Variants in SEC14L1 observed in about 807,000 individuals in gnomAD.
SEC14L1 encodes SEC14 like lipid binding 1.
In SEC14L1, 48 loss-of-function variants were observed where a neutral mutation model predicts 85.3. The observed-to-expected ratio is 0.56, with a 90% CI of 0.45 to 0.72. The LOEUF (loss-of-function observed/expected upper bound fraction) is 0.72, where lower values mean the gene tolerates loss of function less well. Ranked by LOEUF, SEC14L1 falls within the 30% of genes least tolerant of loss-of-function variation. The pLI, the probability that SEC14L1 is intolerant of heterozygous loss-of-function variation, is 0.00. For synonymous variants in SEC14L1, 391 were observed against 355.5 expected (o/e 1.10, Z -1.12); for missense variants, 682 against 921.4 (o/e 0.74, Z 3.36).
At chr17:77,158,798 C>CT (rs34186028) in intron 3 of SEC14L1, among the ~76,000 whole-genome samples, 465 of 39,230 alleles carry the variant, frequency 0.012, 131 homozygotes, top group East Asian at 0.015. Flanking sequence ...GCTTTCTTTC[C>CT]TTTTTTTTTT....
At chr17:77,110,904 T>G (rs1041357666) in intron 3 of SEC14L1, among the ~76,000 whole-genome samples, 49 of 112,068 alleles carry the variant, frequency 4.4e-4, no homozygotes, top group South Asian at 1.7e-3. Flanking sequence ...AAAAAAGAAA[T>G]ACATTGGGGC....
chr17:77,160,859 A>T (rs1399659032), intron 3 of SEC14L1, among the ~76,000 whole-genome samples: 1 of 152,236 alleles, frequency 6.6e-6, no homozygotes, highest in East Asian at 1.9e-4. Flanking sequence ...AATGGCTGAA[A>T]GTAAATACAA....
At position 77,216,807 on chromosome 17, in the gene SEC14L1, A is replaced by C. The variant is rs1977123511; in HGVS notation, c.*2784A>C. 1.6e-6 allele frequency: 1 copy of C among 612,902 alleles called. No individual in the cohort carries two copies. Among genetic ancestry groups the C allele is most frequent in the Admixed American group, 3.5e-5 (1 of 28,564 alleles). The allele number at this position is 612,902 out of a possible 1,614,324, so 38.0% of individuals were successfully genotyped here. A position where few individuals can be genotyped will look rare whatever the true frequency, so the allele number is the denominator to read the frequency against. The stretch of plus-strand genomic sequence containing the variant: ...AGTAATCCAATCTCACTCCCCTTGT[A>C]AGGGAATTCTGGGGCAGCTATGGTT... On this transcript the variant is annotated 3_prime_UTR_variant, in exon 17 of 17. Coordinates refer to ENST00000436233, the MANE Select transcript of SEC14L1 (RefSeq NM_001143998.2).
chr17:77,157,326 T>C (rs1451487619), intron 3 of SEC14L1, among the ~76,000 whole-genome samples: 1 of 152,202 alleles, frequency 6.6e-6, no homozygotes, highest in African/African-American at 2.4e-5. Context: ...CAAAGTTGGT[T>C]TATAATGTAA....
At chr17:77,153,925 C>T (rs892737328) in intron 3 of SEC14L1, among the ~76,000 whole-genome samples, 4 of 152,128 alleles carry the variant, frequency 2.6e-5, no homozygotes. Flanking sequence ...AATTATTTTG[C>T]ATGTTGTAAC....
rs377500720 is a variant in SEC14L1, at chr17:77,151,573, G to A, written c.63+7914G>A. ...TAAGATGTATCAGATTCAGCTTCTC[G>A]CCTCTCTGATTTACCTGGTTTTTAT... On this transcript the variant is annotated intron_variant, in intron 3 of 16. Transcript: ENST00000436233. 2.4e-5 allele frequency among the ~76,000 whole-genome samples: 3 copies of A among 127,030 alleles called. No homozygotes were observed. The Admixed American group carries it at 2.7e-4, about 11-fold the overall frequency. The allele number at this position is 127,030 out of a possible 152,430, so 83.3% of individuals were successfully genotyped here.
intron 9 of SEC14L1, among the ~76,000 whole-genome samples, chr17:77,203,044 A>G (rs1976253029): frequency 6.6e-6 from 1 of 152,014 alleles, no homozygotes. Flanking sequence ...GAATTGAGGG[A>G]AGCTGGCTTT....
At chr17:77,090,893 T>G (rs1971498132) in intron 2 of SEC14L1, among the ~76,000 whole-genome samples, 1 of 140,204 alleles carries the variant, frequency 7.1e-6, no homozygotes, top group African/African-American at 2.6e-5. Context: ...GAGGCTGAGG[T>G]GGGGGGCTTA....
chr17:77,200,238 C>T (rs1271552606), intron 8 of SEC14L1, among the ~76,000 whole-genome samples: 3 of 152,060 alleles, frequency 2.0e-5, no homozygotes, highest in South Asian at 4.2e-4. Flanking sequence ...AATGTGATCT[C>T]GGCTCGCTGC....
chr17:77,111,189 AAG>A (rs781446975), intron 3 of SEC14L1, among the ~76,000 whole-genome samples: 7 of 140,942 alleles, frequency 5.0e-5, no homozygotes, highest in African/African-American at 1.5e-4. Flanking sequence ...CTGTCTCAAA[AAG>A]AAAAAAAAAA....
intron 3 of SEC14L1, among the ~76,000 whole-genome samples, chr17:77,180,117 T>G (rs1356677731): frequency 5.3e-5 from 8 of 151,678 alleles, no homozygotes; most frequent in Admixed American, 5.3e-4. Context: ...TGATGTTATT[T>G]TTTTGAGAGG....
At chr17:77,127,131 C>A (rs544417292) in intron 3 of SEC14L1, among the ~76,000 whole-genome samples, 1 of 152,076 alleles carries the variant, frequency 6.6e-6, no homozygotes, top group African/African-American at 2.4e-5. Flanking sequence ...GTTCCCTCCC[C>A]TCACCCCTCA....
chr17:77,214,684 C>G lies in SEC14L1; in HGVS notation c.*661C>G. The G allele has an allele frequency of 1.0e-6, 1 of 985,598 alleles. No individual in the cohort carries two copies. Among genetic ancestry groups the G allele is most frequent in the Non-Finnish European group, 1.2e-6 (1 of 830,018 alleles). The allele number at this position is 985,598 out of a possible 1,614,324, so 61.1% of individuals were successfully genotyped here. On this transcript the variant is annotated 3_prime_UTR_variant, in exon 17 of 17. Transcript: ENST00000436233. ...GACTCCTGGTGACTCCAGGAAAATG[C>G]TGCCATCGTTAAACATTACTTTCTC...
chr17:77,132,457 T>C (rs1972640738), intron 3 of SEC14L1, among the ~76,000 whole-genome samples: 1 of 152,064 alleles, frequency 6.6e-6, no homozygotes, highest in Admixed American at 6.5e-5. Flanking sequence ...ACTCCTGACC[T>C]CAGGTGATCC....
At chr17:77,173,904 TC>T (rs1974634215) in intron 3 of SEC14L1, among the ~76,000 whole-genome samples, 1 of 151,424 alleles carries the variant, frequency 6.6e-6, no homozygotes, top group Admixed American at 6.6e-5. Context: ...TTTCTTTTTT[TC>T]TTTTTTTTTT....
chr17:77,091,751 T>C (rs988586284), intron 2 of SEC14L1, among the ~76,000 whole-genome samples: 2 of 152,164 alleles, frequency 1.3e-5, no homozygotes, highest in Non-Finnish European at 2.9e-5. Flanking sequence ...ATTATGCTTC[T>C]GGGAGAACCT....
chr17:77,206,527 A>T lies in SEC14L1; in HGVS notation c.1341+127A>T, dbSNP rs1050657770. The stretch of plus-strand genomic sequence containing the variant: ...AAAAAAAACAATAACATGCAAAGAT[A>T]TAAAATTTCTCAAATTGTTTAAGAA... On this transcript the variant is annotated intron_variant, in intron 12 of 16. Transcript: ENST00000436233. This position sits in a 1 kb window ranked among gnomAD's most constrained non-coding sequence, Gnocchi z 4.3. 7.7e-7 allele frequency: 1 copy of T among 1,305,368 alleles called. No homozygotes were observed. Among genetic ancestry groups the T allele is most frequent in the Non-Finnish European group, 1.0e-6 (1 of 959,220 alleles). 80.9% of individuals were successfully genotyped at this position (1,305,368 alleles called of 1,614,324 possible). A position where few individuals can be genotyped will look rare whatever the true frequency, so the allele number is the denominator to read the frequency against.
intron 3 of SEC14L1, among the ~76,000 whole-genome samples, chr17:77,099,982 G>A (rs1373421764): frequency 6.6e-6 from 1 of 152,072 alleles, no homozygotes; most frequent in Non-Finnish European, 1.5e-5. Flanking sequence ...TTTTCCCAAA[G>A]TAATACATGC....
Position 77,160,694 on chromosome 17 carries a change from T to A in SEC14L1, c.63+17035T>A, listed in dbSNP as rs139286179. 7.7e-4 allele frequency among the ~76,000 whole-genome samples: 117 copies of A among 152,364 alleles called. 1 individual carries two copies. Among genetic ancestry groups the A allele is most frequent in the African/African-American group, 2.4e-3 (99 of 41,590 alleles). ...TTTTTTCTAACTAGTGTCTTTATAA[T>A]TCTCTAACAGGGATTGGTTGTCTTT... is the stretch of plus-strand genomic sequence containing the variant. On this transcript the variant is annotated intron_variant, in intron 3 of 16. Transcript: ENST00000436233.
Sources: gnomAD v4.1 joint callset for allele counts (sites outside exome capture counted in the v4.1 genomes callset) on GRCh38, gnomAD v4.1.1 for gene constraint, Gnocchi (gnomAD v3.1) non-coding constraint, MANE v1.5 for transcripts, NCBI Gene and HGNC (gene_info 2026-07-23, HGNC 2026-07-21) for gene names.